IMMP2L: variants seen among roughly 807,000 people sequenced by gnomAD.
The protein encoded by IMMP2L is mitochondrial inner membrane protease subunit 2.
IMMP2L carries 18 observed loss-of-function variants against 19.3 expected under a neutral mutation model. The observed-to-expected ratio is 0.93, with a 90% CI of 0.64 to 1.38. The LOEUF (loss-of-function observed/expected upper bound fraction) is 1.38, where lower values mean the gene tolerates loss of function less well. Among genes scored for constraint, IMMP2L ranks in the 40% most tolerant of loss-of-function variants. The pLI, the probability that IMMP2L is intolerant of heterozygous loss-of-function variation, is 0.00. For missense variants in IMMP2L, 233 were observed against 218.2 expected (o/e 1.07, Z -0.43); for synonymous variants, 76 against 73.0 (o/e 1.04, Z -0.21).
At chr7:110,934,455 A>G (rs931158734) in intron 4 of IMMP2L, among the ~76,000 whole-genome samples, 1 of 152,122 alleles carries the variant, frequency 6.6e-6, no homozygotes, top group Non-Finnish European at 1.5e-5. Context: ...ATTTTCTCTC[A>G]AATCTTACTC....
intron 3 of IMMP2L, among the ~76,000 whole-genome samples, chr7:111,066,989 A>G (rs1281515861): frequency 1.3e-5 from 2 of 152,184 alleles, no homozygotes; most frequent in Admixed American, 1.3e-4. Flanking sequence ...TCCCCTGCTC[A>G]GCAGTACTCT....
At chr7:111,121,457 C>A (rs1399660209) in intron 3 of IMMP2L, among the ~76,000 whole-genome samples, 1 of 152,138 alleles carries the variant, frequency 6.6e-6, no homozygotes, top group Non-Finnish European at 1.5e-5. Flanking sequence ...GACATTTATG[C>A]AGCCAAAAGA....
intron 2 of IMMP2L, among the ~76,000 whole-genome samples, chr7:111,511,012 G>C (rs546258859): frequency 6.6e-6 from 1 of 152,108 alleles, no homozygotes; most frequent in East Asian, 1.9e-4. Context: ...GGATCACAAA[G>C]ATTTTTCATG....
chr7:110,787,159 A>G (rs1800137050), intron 5 of IMMP2L, among the ~76,000 whole-genome samples: 1 of 152,036 alleles, frequency 6.6e-6, no homozygotes, highest in South Asian at 2.1e-4. Context: ...CTGTGAACTT[A>G]AAGAGTGTCT....
At chr7:111,371,410 A>G (rs1405126974) in intron 3 of IMMP2L, among the ~76,000 whole-genome samples, 2 of 152,072 alleles carry the variant, frequency 1.3e-5, no homozygotes, top group Non-Finnish European at 2.9e-5. Flanking sequence ...TATGGACTAT[A>G]AAGTCCTCTT....
At chr7:111,264,101 A>T (rs978147497) in intron 3 of IMMP2L, among the ~76,000 whole-genome samples, 8 of 152,172 alleles carry the variant, frequency 5.3e-5, no homozygotes, top group Non-Finnish European at 1.5e-5. Flanking sequence ...TATGAGGAAA[A>T]ACACCCAATT....
intron 5 of IMMP2L, among the ~76,000 whole-genome samples, chr7:110,879,472 T>C (rs1809424581): frequency 6.6e-6 from 1 of 152,152 alleles, no homozygotes. Flanking sequence ...GCTCCCACTC[T>C]GCTTCAGATA....
chr7:111,145,275 A>G (rs1224852497), intron 3 of IMMP2L, among the ~76,000 whole-genome samples: 1 of 152,152 alleles, frequency 6.6e-6, no homozygotes, highest in African/African-American at 2.4e-5. Context: ...GAATATGTGT[A>G]GTTGCCTCTG....
intron 3 of IMMP2L, among the ~76,000 whole-genome samples, chr7:111,369,412 T>C (rs1182710462): frequency 6.6e-6 from 1 of 151,738 alleles, no homozygotes; most frequent in Non-Finnish European, 1.5e-5. Context: ...CTAAGGAATA[T>C]ATTCATAATA....
intron 3 of IMMP2L, among the ~76,000 whole-genome samples, chr7:111,147,849 T>C (rs566202963): frequency 1.4e-4 from 21 of 152,268 alleles, no homozygotes; most frequent in African/African-American, 4.8e-4. Flanking sequence ...ATGCTTGCAA[T>C]GTTCCAAGAA....
At chr7:110,968,776 G>C (rs1819830784) in intron 3 of IMMP2L, among the ~76,000 whole-genome samples, 2 of 152,108 alleles carry the variant, frequency 1.3e-5, no homozygotes, top group Admixed American at 1.3e-4. Context: ...TAGAAATCTT[G>C]AAAAATGTTC....
At chr7:110,992,170 C>T (rs1006318084) in intron 3 of IMMP2L, among the ~76,000 whole-genome samples, 1 of 152,012 alleles carries the variant, frequency 6.6e-6, no homozygotes, top group South Asian at 2.1e-4. Flanking sequence ...TCTTGTAGTG[C>T]TCTACATTTT....
intron 3 of IMMP2L, among the ~76,000 whole-genome samples, chr7:111,281,216 A>AAGAAAAAG (rs1293249599): frequency 2.6e-5 from 1 of 38,762 alleles, no homozygotes; most frequent in Non-Finnish European, 5.4e-5. Context: ...GAAAGAAAGA[A>AAGAAAAAG]AAAGAAAGAA....
intron 5 of IMMP2L, among the ~76,000 whole-genome samples, chr7:110,697,449 A>G (rs1409323464): frequency 6.6e-6 from 1 of 152,204 alleles, no homozygotes; most frequent in African/African-American, 2.4e-5. Flanking sequence ...AATCACAACA[A>G]ATTATTTTGT....
chr7:111,200,244 G>C (rs1809953823), intron 3 of IMMP2L, among the ~76,000 whole-genome samples: 1 of 151,946 alleles, frequency 6.6e-6, no homozygotes, highest in African/African-American at 2.4e-5. Context: ...TAATAAAGCA[G>C]GATTCATGAT....
intron 3 of IMMP2L, among the ~76,000 whole-genome samples, chr7:111,443,727 T>C (rs1304900319): frequency 6.6e-6 from 1 of 152,172 alleles, no homozygotes; most frequent in African/African-American, 2.4e-5. Flanking sequence ...AATTCAAATA[T>C]GTTCAGCTAC....
Position 111,448,931 on chromosome 7 carries a change from C to G in IMMP2L, c.239+38307G>C, listed in dbSNP as rs1159780326. On this transcript the variant is annotated intron_variant, in intron 3 of 5. Transcript: ENST00000405709. Reference sequence around the variant, plus strand: ...TACCATCAGAGAATACTACAGACACCTCTACGCAAATAAACTAGAAAATCT... The same window carrying G: ...TACCATCAGAGAATACTACAGACACGTCTACGCAAATAAACTAGAAAATCT... 2.2e-4 allele frequency among the ~76,000 whole-genome samples: 32 copies of G among 145,046 alleles called. No homozygotes were observed. The South Asian group carries it at 7.3e-3, about 33-fold the overall frequency.
intron 3 of IMMP2L, among the ~76,000 whole-genome samples, chr7:111,358,494 T>C (rs542933659): frequency 6.6e-6 from 1 of 152,112 alleles, no homozygotes; most frequent in African/African-American, 2.4e-5. Flanking sequence ...ACAATAATCT[T>C]TGGTTACCAT....
intron 3 of IMMP2L, among the ~76,000 whole-genome samples, chr7:111,011,080 A>G (rs1480203342): frequency 1.3e-5 from 2 of 152,132 alleles, no homozygotes; most frequent in Non-Finnish European, 2.9e-5. Context: ...AAAGGGCTGT[A>G]GAAGTGAGTG....
Sources: gnomAD v4.1 joint callset for allele counts (sites outside exome capture counted in the v4.1 genomes callset) on GRCh38, gnomAD v4.1.1 for gene constraint, MANE v1.5 for transcripts, NCBI Gene and HGNC (gene_info 2026-07-23, HGNC 2026-07-21) for gene names.